The following P2RX3 variants were observed in gnomAD, a reference collection of about 807,000 sequenced individuals.
The protein encoded by P2RX3 is P2X purinoceptor 3.
Under a neutral mutation model 51.5 loss-of-function variants are expected in P2RX3, and 41 were observed. That is an observed-to-expected ratio of 0.80 (90% CI 0.62 to 1.03). The LOEUF (loss-of-function observed/expected upper bound fraction) is 1.03. Among genes scored for constraint, P2RX3 ranks in the 50% least tolerant of loss-of-function variants. P2RX3 has a pLI of 0.00. For synonymous variants in P2RX3, 185 were observed against 191.6 expected (o/e 0.97, Z 0.29); for missense variants, 459 against 522.1 (o/e 0.88, Z 1.18).
intron 8 of P2RX3, among the ~76,000 whole-genome samples, chr11:57,367,048 A>C (rs1856808536): frequency 6.6e-6 from 1 of 152,034 alleles, no homozygotes; most frequent in Non-Finnish European, 1.5e-5. Context: ...GGGTGAAATG[A>C]GACGAATAGT....
At chr11:57,351,139 T>C (rs1856541322) in intron 8 of P2RX3, among the ~76,000 whole-genome samples, 1 of 152,202 alleles carries the variant, frequency 6.6e-6, no homozygotes, top group African/African-American at 2.4e-5. Flanking sequence ...TGCAGGTCAG[T>C]AGTTAGAAGA....
In P2RX3 at chr11:57,347,480, T is replaced by C; in HGVS notation, c.391+2T>C. 1 of 1,554,482 alleles carries C rather than the reference T, an allele frequency of 6.4e-7. No homozygotes were observed. Reference sequence around the variant, plus strand: ...GGCCTGAGCGCTTGCCAGGTGGGGGTGAGTCCAGCCCCTTACCCACCCCAC... The same window carrying C: ...GGCCTGAGCGCTTGCCAGGTGGGGGCGAGTCCAGCCCCTTACCCACCCCAC... On this transcript the variant is annotated splice_donor_variant, in intron 4 of 11. Transcript: ENST00000263314. LOFTEE classifies it high-confidence loss of function.
At position 57,372,179 on chromosome 11, in the gene P2RX3, A is replaced by G. The variant is rs190957570; in HGVS notation, c.*2182A>G. Among the ~76,000 whole-genome samples, 1 of 152,310 alleles carries G rather than the reference A, an allele frequency of 6.6e-6. No individual in the cohort carries two copies. The highest frequency in any genetic ancestry group is 6.5e-5 in the Admixed American group (1 of 15,300). Reference sequence around the variant, plus strand: ...TATGGTTTGTCATTAATCCTATTTGATAGAAAAAGAAATTTACAGTACGTG... The same window carrying G: ...TATGGTTTGTCATTAATCCTATTTGGTAGAAAAAGAAATTTACAGTACGTG... On this transcript the variant is annotated 3_prime_UTR_variant, in exon 12 of 12. Coordinates refer to ENST00000263314, the MANE Select transcript of P2RX3 (RefSeq NM_002559.5).
intron 10 of P2RX3, 87 bp downstream of exon 10, chr11:57,368,524 ACT>A (rs1023723708): frequency 7.7e-6 from 11 of 1,437,748 alleles, no homozygotes; most frequent in Admixed American, 1.7e-5. Context: ...CGGCGGCAAA[ACT>A]CTGCCTCTGC....
chr11:57,338,369 A>G lies in P2RX3; in HGVS notation c.-182A>G. The stretch of plus-strand genomic sequence containing the variant: ...CTGGTCCTGGCCTCTTGGAAGCCAG[A>G]GTATCAAGAGCAGAGAATCTCACTA... On this transcript the variant is annotated 5_prime_UTR_variant, in exon 1 of 12. Transcript: ENST00000263314. 2.1e-6 allele frequency: 1 copy of G among 471,110 alleles called. No individual in the cohort carries two copies. Among genetic ancestry groups the G allele is most frequent in the Non-Finnish European group, 3.9e-6 (1 of 258,624 alleles). 29.2% of individuals were successfully genotyped at this position (471,110 alleles called of 1,614,324 possible).
At chr11:57,336,464 C>A (rs375760838), upstream of P2RX3, among the ~76,000 whole-genome samples, 3 of 152,188 alleles carry the variant, frequency 2.0e-5, no homozygotes, top group African/African-American at 7.2e-5. Flanking sequence ...GAAACCACAT[C>A]ATCCTGTGGT....
chr11:57,354,306 C>T (rs1856594034), intron 8 of P2RX3, among the ~76,000 whole-genome samples: 1 of 152,074 alleles, frequency 6.6e-6, no homozygotes. Context: ...ATTTTTACTC[C>T]TTGGTCTGTT....
At chr11:57,357,930 A>T (rs183377637) in intron 8 of P2RX3, among the ~76,000 whole-genome samples, 1 of 152,330 alleles carries the variant, frequency 6.6e-6, no homozygotes, top group African/African-American at 2.4e-5. Context: ...CCCAAATTCC[A>T]GGCCCAAGTT....
Position 57,368,082 on chromosome 11 carries a change from G to C in P2RX3, c.916G>C (p.Asp306His), listed in dbSNP as rs765618364. 6.2e-7 allele frequency: 1 copy of C among 1,614,032 alleles called. No homozygotes were observed. The highest frequency in any genetic ancestry group is 8.5e-7 in the Non-Finnish European group (1 of 1,180,034). ...CCTGAAGGCTTTTGGCATCCGCTTC[G>C]ACGTGCTGGTATACGGGAATGTGAG... ...TLLKAFGIRF[D>H]VLVYGNAGKF... The change falls in exon 9 of 12, where the codon GAC (aspartate) becomes CAC (histidine). Residue 306 changes from aspartate to histidine, a missense_variant. Asp to His is a moderately conservative substitution (Grantham distance 81). Transcript: ENST00000263314.
At chr11:57,358,844 C>G (rs1590635537) in intron 8 of P2RX3, among the ~76,000 whole-genome samples, 1 of 152,176 alleles carries the variant, frequency 6.6e-6, no homozygotes, top group Non-Finnish European at 1.5e-5. Flanking sequence ...CTTACTCATT[C>G]TTTATCTCTT....
At chr11:57,354,650 T>A (rs543745580) in intron 8 of P2RX3, among the ~76,000 whole-genome samples, 2 of 152,158 alleles carry the variant, frequency 1.3e-5, no homozygotes, top group African/African-American at 2.4e-5. Flanking sequence ...TGTGTGTGTG[T>A]GAGTGTGTGT....
In P2RX3 at chr11:57,351,392, G is replaced by T. The variant is rs180878366; in HGVS notation, c.842+494G>T. On this transcript the variant is annotated intron_variant, in intron 8 of 11. Coordinates refer to ENST00000263314, the MANE Select transcript of P2RX3 (RefSeq NM_002559.5). ...TGTGTCACCAGTAGCAATTATAATT[G>T]TCTCTGGTTCTTCAATGCCTCTCCA... Among the ~76,000 whole-genome samples, 21 of 152,328 alleles carry T rather than the reference G, an allele frequency of 1.4e-4. No homozygotes were observed. The East Asian group carries it at 3.7e-3, about 27-fold the overall frequency.
intron 8 of P2RX3, among the ~76,000 whole-genome samples, chr11:57,355,175 C>T (rs1275775479): frequency 2.0e-5 from 3 of 152,234 alleles, no homozygotes; most frequent in Non-Finnish European, 2.9e-5. Context: ...GTCCTGACAA[C>T]TTTCATCTGT....
chr11:57,350,411 G>A (rs1856523898), intron 7 of P2RX3: 1 of 210,518 alleles, frequency 4.8e-6, no homozygotes, highest in Non-Finnish European at 9.3e-6. Flanking sequence ...CCATTCTCCT[G>A]CCTCAGCTTC....
Position 57,341,688 on chromosome 11 carries a change from C to G in P2RX3, c.119+3019C>G, listed in dbSNP as rs144816108. Reference sequence around the variant, plus strand: ...GGATCTGAGTCCCTGGAAGCAATAGCCTGTGCTTGGCCTGAGGTTGATTTC... The same window carrying G: ...GGATCTGAGTCCCTGGAAGCAATAGGCTGTGCTTGGCCTGAGGTTGATTTC... On this transcript the variant is annotated intron_variant, in intron 1 of 11. Transcript: ENST00000263314. Among the ~76,000 whole-genome samples, 1,001 of 152,244 alleles carry G rather than the reference C, an allele frequency of 6.6e-3. 11 individuals carry two copies. The highest frequency in any genetic ancestry group is 0.024 in the Middle Eastern group (7 of 294).
rs367781913 is a variant in P2RX3, at chr11:57,339,373, GAATCCAGA to G, written c.119+708_119+715del. 4.8e-3 allele frequency among the ~76,000 whole-genome samples: 730 copies of G among 152,226 alleles called. 6 individuals are homozygous for G. The highest frequency in any genetic ancestry group is 0.016 in the African/African-American group (679 of 41,534). ...GAACATAGTGCCGCTCCCTCCCCAG[GAATCCAGA>G]AATGCTCCCCTTTGTCAAAAAGTGT... On this transcript the variant is annotated intron_variant, in intron 1 of 11. Transcript: ENST00000263314.
Position 57,359,234 on chromosome 11 carries a change from A to C in P2RX3, c.842+8336A>C, listed in dbSNP as rs4938863. 2.7e-4 allele frequency among the ~76,000 whole-genome samples: 41 copies of C among 152,162 alleles called. 1 individual carries two copies. In the South Asian group the frequency reaches 8.5e-3, roughly 32 times the overall value. On this transcript the variant is annotated intron_variant, in intron 8 of 11. Transcript: ENST00000263314. ...CAAAATCAAGGCAGAGCAGGGAAGC[A>C]GCGAGCAGATACATACCCCATCCCC...
chr11:57,338,005 G>A (rs542403779), upstream of P2RX3, among the ~76,000 whole-genome samples: 1 of 152,346 alleles, frequency 6.6e-6, no homozygotes, highest in South Asian at 2.1e-4. Flanking sequence ...GCCACTGGGG[G>A]CAACTCAGGA....
In P2RX3 at chr11:57,368,054, C is replaced by T. The variant is rs1442531984; in HGVS notation, c.888C>T (p.Thr296=). The change falls in exon 9 of 12, where the codon ACC becomes ACT. Residue 296 remains threonine, a synonymous_variant. Coordinates refer to ENST00000263314, the MANE Select transcript of P2RX3 (RefSeq NM_002559.5). ...TGGAAAATGGCAGTGAGTACCGCAC[C>T]CTCCTGAAGGCTTTTGGCATCCGCT... ...YKMENGSEYR[T]LLKAFGIRFD... 1 of 1,614,180 alleles carries T rather than the reference C, an allele frequency of 6.2e-7. No homozygotes were observed. Among genetic ancestry groups the T allele is most frequent in the East Asian group, 2.2e-5 (1 of 44,870 alleles).
Sources: allele counts gnomAD v4.1 joint callset (sites outside exome capture counted in the v4.1 genomes callset), GRCh38; gene constraint gnomAD v4.1.1; transcripts MANE v1.5; gene names NCBI Gene and HGNC (gene_info 2026-07-23, HGNC 2026-07-21).